The following GRAMD1C variants were observed in gnomAD, a reference collection of about 807,000 sequenced individuals.
GRAMD1C encodes the protein protein Aster-C.
Under a neutral mutation model 97.8 loss-of-function variants are expected in GRAMD1C, and 89 were observed. The observed-to-expected ratio is 0.91, with a 90% confidence interval of 0.77 to 1.09. The LOEUF is 1.09. Among genes scored for constraint, GRAMD1C ranks in the 50% least tolerant of loss-of-function variants. The pLI is 0.00. For synonymous variants in GRAMD1C, 256 were observed against 267.0 expected, an observed-to-expected ratio of 0.96 and a Z score of 0.40; for missense variants, 740 against 766.4, an observed-to-expected ratio of 0.97 and a Z score of 0.41.
At position 113,939,999 on chromosome 3, in the gene GRAMD1C, A is replaced by G. The variant is rs1361476062; in HGVS notation, c.1802+3A>G. ...CTCCAAGAAGAGAAATCTTTAAAGT[A>G]AGTCTTTTTCCCCCTGACCTGTATT... On this transcript the variant is annotated splice_donor_region_variant and intron_variant, in intron 16 of 17. Coordinates refer to ENST00000358160, the MANE Select transcript of GRAMD1C (RefSeq NM_017577.5). 4.8e-6 allele frequency: 7 copies of G among 1,468,426 alleles called. No individual in the cohort carries two copies. In the African/African-American group the frequency reaches 8.3e-5, roughly 17 times the overall value. 91.0% of individuals were successfully genotyped at this position (1,468,426 alleles called of 1,614,324 possible).
chr3:113,918,990 G>A (rs966847562), intron 10 of GRAMD1C, among the ~76,000 whole-genome samples: 7 of 152,172 alleles, frequency 4.6e-5, no homozygotes, highest in African/African-American at 1.7e-4. Context: ...CCACACCTGG[G>A]CTGGTATTTC....
chr3:113,942,324 T>C (rs1241370941), intron 17 of GRAMD1C, among the ~76,000 whole-genome samples: 1 of 152,182 alleles, frequency 6.6e-6, no homozygotes, highest in African/African-American at 2.4e-5. Flanking sequence ...TGCATCAAGA[T>C]CTTCACCCTC....
chr3:113,853,380 T>C (rs933331321), intron 2 of GRAMD1C, among the ~76,000 whole-genome samples: 1 of 152,240 alleles, frequency 6.6e-6, no homozygotes, highest in Non-Finnish European at 1.5e-5. Context: ...AAGTCCGTTA[T>C]GAATCTAATA....
At chr3:113,846,884 G>C (rs1218210048) in intron 2 of GRAMD1C, among the ~76,000 whole-genome samples, 1 of 152,130 alleles carries the variant, frequency 6.6e-6, no homozygotes, top group African/African-American at 2.4e-5. Flanking sequence ...GAGAAGTACA[G>C]TATCTCATAA....
intron 6 of GRAMD1C, chr3:113,885,478 AG>A: frequency 6.2e-7 from 1 of 1,603,492 alleles, no homozygotes; most frequent in Non-Finnish European, 8.5e-7. Context: ...CCAGGTGAGG[AG>A]GAAGATCCTG....
At chr3:113,913,099 A>T (rs1936664533) in intron 9 of GRAMD1C, 1 of 1,283,490 alleles carries the variant, frequency 7.8e-7, no homozygotes, top group Non-Finnish European at 1.0e-6. Context: ...GATTAGTCAT[A>T]CGCTGTTTAC....
chr3:113,900,951 T>C, intron 6 of GRAMD1C, 80 bp from the exon 7 acceptor site: 1 of 785,600 alleles, frequency 1.3e-6, no homozygotes, highest in East Asian at 2.5e-5. Flanking sequence ...CATTTTTGAC[T>C]TCAAAACTCA....
intron 1 of GRAMD1C, among the ~76,000 whole-genome samples, chr3:113,833,432 C>T (rs541025428): frequency 3.9e-4 from 59 of 152,038 alleles, no homozygotes; most frequent in Middle Eastern, 3.4e-3. Flanking sequence ...CCACCATGCC[C>T]GGCCCAAATG....
upstream of GRAMD1C, among the ~76,000 whole-genome samples, chr3:113,837,790 C>T (rs138315743): frequency 1.9e-3 from 294 of 152,306 alleles, 3 homozygotes; most frequent in African/African-American, 6.8e-3. Context: ...CGCCAGTAGT[C>T]CCAGCTACTC....
intron 2 of GRAMD1C, 106 bp from the exon 3 acceptor site, chr3:113,869,401 C>A (rs1474678848): frequency 4.4e-6 from 3 of 689,138 alleles, no homozygotes; most frequent in Non-Finnish European, 7.7e-6. Flanking sequence ...TAAGGACATA[C>A]AAAATATTGC....
In GRAMD1C at chr3:113,911,190, G is replaced by A. The variant is rs28450872; in HGVS notation, c.952+2070G>A. Among the ~76,000 whole-genome samples, 25 of 7,004 alleles carry A rather than the reference G, an allele frequency of 3.6e-3. No individual in the cohort carries two copies. The South Asian group carries it at 0.061, about 17-fold the overall frequency. 4.6% of individuals were successfully genotyped at this position (7,004 alleles called of 152,430 possible). A position where few individuals can be genotyped will look rare whatever the true frequency, so the allele number is the denominator to read the frequency against. On this transcript the variant is annotated intron_variant, in intron 9 of 17. Coordinates refer to ENST00000358160, the MANE Select transcript of GRAMD1C (RefSeq NM_017577.5). The stretch of plus-strand genomic sequence containing the variant: ...GAGAGAGAGACACACACACACACAC[G>A]CACACGAGAGAGAGAGAGAGCATAC...
chr3:113,900,184 C>T (rs1417538110), intron 6 of GRAMD1C, among the ~76,000 whole-genome samples: 1 of 151,542 alleles, frequency 6.6e-6, no homozygotes, highest in Non-Finnish European at 1.5e-5. Context: ...CATGGTGAAA[C>T]CCCATCTCTA....
intron 2 of GRAMD1C, among the ~76,000 whole-genome samples, chr3:113,856,287 A>G (rs1371712246): frequency 6.6e-6 from 1 of 151,902 alleles, no homozygotes; most frequent in Non-Finnish European, 1.5e-5. Flanking sequence ...ACCCACATGC[A>G]TTTTTGAAGA....
chr3:113,887,015 C>T (rs1185794609), intron 6 of GRAMD1C, among the ~76,000 whole-genome samples: 2 of 148,258 alleles, frequency 1.3e-5, no homozygotes, highest in Non-Finnish European at 1.5e-5. Flanking sequence ...CTCCTGAACT[C>T]GTGATCCGCC....
intron 2 of GRAMD1C, chr3:113,850,224 ATAC>A: frequency 1.8e-6 from 1 of 557,980 alleles, no homozygotes; most frequent in Non-Finnish European, 3.4e-6. Context: ...CAAAATAATA[ATAC>A]TCTCCAGTTT....
intron 6 of GRAMD1C, chr3:113,897,614 G>C (rs1443472304): frequency 1.0e-6 from 1 of 983,514 alleles, no homozygotes; most frequent in Non-Finnish European, 1.2e-6. Context: ...GATTGAAGCA[G>C]TGATTATTTT....
intron 2 of GRAMD1C, among the ~76,000 whole-genome samples, chr3:113,856,756 C>T (rs978439709): frequency 5.3e-5 from 8 of 151,928 alleles, no homozygotes; most frequent in South Asian, 2.1e-4. Flanking sequence ...CCAGGCTGAT[C>T]GCAGACTCCT....
intron 2 of GRAMD1C, among the ~76,000 whole-genome samples, chr3:113,855,657 A>G (rs887485648): frequency 1.3e-5 from 2 of 151,718 alleles, no homozygotes; most frequent in African/African-American, 4.8e-5. Context: ...GTGAGCTGAG[A>G]TCACACCACT....
chr3:113,892,491 T>C (rs1263662798), intron 6 of GRAMD1C, among the ~76,000 whole-genome samples: 1 of 151,848 alleles, frequency 6.6e-6, no homozygotes, highest in African/African-American at 2.4e-5. Flanking sequence ...CAAAACAAAA[T>C]AAAAATAAAA....
Sources: gnomAD v4.1 joint callset for allele counts (sites outside exome capture counted in the v4.1 genomes callset) on GRCh38, gnomAD v4.1.1 for gene constraint, MANE v1.5 for transcripts, NCBI Gene and HGNC (gene_info 2026-07-23, HGNC 2026-07-21) for gene names.